Variants in IRGM observed in about 807,000 individuals in gnomAD.
IRGM encodes the protein immunity-related GTPase family M protein.
For synonymous variants in IRGM, 98 were observed against 80.6 expected, an observed-to-expected ratio of 1.22 and a Z score of -1.16; for missense variants, 288 against 219.9, an observed-to-expected ratio of 1.31 and a Z score of -1.96.
intron 3 of IRGM, chr5:150,897,334 A>G (rs1396757822): frequency 5.7e-6 from 1 of 174,852 alleles, no homozygotes; most frequent in African/African-American, 2.4e-5. Flanking sequence ...TTATCCTACC[A>G]TCACTCTAAA....
chr5:150,875,116 G>A (rs1754345399), intron 1 of IRGM, among the ~76,000 whole-genome samples: 1 of 152,196 alleles, frequency 6.6e-6, no homozygotes, highest in South Asian at 2.1e-4. Flanking sequence ...CTGCAACCCT[G>A]CCTTCTCTCC....
At position 150,848,220 on chromosome 5, in the gene IRGM, C is replaced by T; in HGVS notation, c.97C>T (p.Pro33Ser). The T allele has an allele frequency of 6.4e-7, 1 of 1,551,774 alleles. No individual in the cohort carries two copies. The highest frequency in any genetic ancestry group is 8.7e-7 in the Non-Finnish European group (1 of 1,146,932). ...GACTCTGAAGATAGTGTCCAGGACA[C>T]CAGTTAACATCACTATGGCAGGGGA... ...KETLKIVSRTPVNITMAGDSG... is the reference protein window; with the variant it reads ...KETLKIVSRTSVNITMAGDSG... Residue 33 changes from proline (P) to serine (S), a missense_variant, in exon 2 of 2, where the codon CCA (proline) becomes TCA (serine). By Grantham distance (74) the Pro-to-Ser change is moderately conservative. Transcript: ENST00000522154.
At chr5:150,893,632 A>C (rs1430742291) in intron 3 of IRGM, among the ~76,000 whole-genome samples, 1 of 152,132 alleles carries the variant, frequency 6.6e-6, no homozygotes, top group East Asian at 1.9e-4. Context: ...CTGATAAAAG[A>C]ATTATGCAAA....
chr5:150,851,079 A>T (rs757134490), downstream of IRGM, among the ~76,000 whole-genome samples: 1 of 152,228 alleles, frequency 6.6e-6, no homozygotes, highest in Non-Finnish European at 1.5e-5. Flanking sequence ...CTGGAAAAGA[A>T]GGATAGATCA....
At chr5:150,860,571 C>G (rs1169426575) in intron 1 of IRGM, among the ~76,000 whole-genome samples, 1 of 152,238 alleles carries the variant, frequency 6.6e-6, no homozygotes, top group East Asian at 1.9e-4. Context: ...ACCACAGTCC[C>G]TGTCCTGGAG....
At chr5:150,882,218 CAAAAAAAAGAA>C (rs1349491912) in intron 3 of IRGM, among the ~76,000 whole-genome samples, 2 of 118,872 alleles carry the variant, frequency 1.7e-5, no homozygotes, top group African/African-American at 7.6e-5. Flanking sequence ...GGCCCTGTCT[CAAAAAAAAGAA>C]AAAAAAAAGA....
At chr5:150,852,962 C>T, downstream of IRGM, among the ~76,000 whole-genome samples, 1 of 151,984 alleles carries the variant, frequency 6.6e-6, no homozygotes, top group East Asian at 1.9e-4. Flanking sequence ...TTGCTCATAT[C>T]TTTTGTTATT....
At chr5:150,859,976 C>T (rs531474915) in intron 1 of IRGM, among the ~76,000 whole-genome samples, 2 of 152,214 alleles carry the variant, frequency 1.3e-5, no homozygotes, top group East Asian at 3.9e-4. Context: ...ATAGCTTGAC[C>T]CTGGCACCTC....
At chr5:150,895,529 A>C in intron 3 of IRGM, 1 of 1,613,520 alleles carries the variant, frequency 6.2e-7, no homozygotes, top group Non-Finnish European at 8.5e-7. Flanking sequence ...CCCCAGTATG[A>C]ATCCTCTGAT....
At chr5:150,849,859 C>G (rs984393121), downstream of IRGM, among the ~76,000 whole-genome samples, 1 of 152,046 alleles carries the variant, frequency 6.6e-6, no homozygotes, top group African/African-American at 2.4e-5. Context: ...CCTGCCTTGG[C>G]CTTCCAAAGT....
At chr5:150,865,286 A>T (rs2113270061) in intron 1 of IRGM, among the ~76,000 whole-genome samples, 1 of 152,346 alleles carries the variant, frequency 6.6e-6, no homozygotes, top group Non-Finnish European at 1.5e-5. Flanking sequence ...AAGAATATTC[A>T]GCCAATTCAA....
chr5:150,893,576 A>G (rs1754654060), intron 3 of IRGM, among the ~76,000 whole-genome samples: 1 of 152,198 alleles, frequency 6.6e-6, no homozygotes, highest in Non-Finnish European at 1.5e-5. Flanking sequence ...CAACCATAGG[A>G]TGCACAGATT....
At chr5:150,859,059 G>A (rs1284025320) in intron 1 of IRGM, among the ~76,000 whole-genome samples, 2 of 152,114 alleles carry the variant, frequency 1.3e-5, no homozygotes, top group Non-Finnish European at 2.9e-5. Context: ...TATTGGTTGT[G>A]GATTTGTCAT....
rs1184533557 is a variant in IRGM at position 150,848,239 on chromosome 5, C to A, written c.116C>A (p.Ala39Glu). Reference protein sequence around the residue: ...VSRTPVNITMAGDSGNGMSTF... With the variant: ...VSRTPVNITMEGDSGNGMSTF... ...AGGACACCAGTTAACATCACTATGG[C>A]AGGGGACTCTGGCAATGGGATGTCC... The change falls in exon 2 of 2, where the codon GCA becomes GAA. Residue 39 changes from alanine (A) to glutamate (E), a missense_variant. Transcript: ENST00000522154. 5.8e-6 allele frequency: 9 copies of A among 1,551,814 alleles called. No individual in the cohort carries two copies. Among genetic ancestry groups the A allele is most frequent in the Middle Eastern group, 1.7e-4 (1 of 5,992 alleles).
At chr5:150,852,246 C>A (rs980339697), downstream of IRGM, among the ~76,000 whole-genome samples, 1 of 152,114 alleles carries the variant, frequency 6.6e-6, no homozygotes, top group African/African-American at 2.4e-5. Context: ...GTACTTCTGA[C>A]ATTACTATAA....
At chr5:150,861,946 C>T (rs754286121) in intron 1 of IRGM, among the ~76,000 whole-genome samples, 14 of 152,134 alleles carry the variant, frequency 9.2e-5, no homozygotes, top group South Asian at 2.1e-4. Context: ...TAATAAAATA[C>T]ATGTTTATTA....
chr5:150,872,544 A>T (rs1054400319), intron 1 of IRGM, among the ~76,000 whole-genome samples: 1 of 152,232 alleles, frequency 6.6e-6, no homozygotes, highest in Non-Finnish European at 1.5e-5. Flanking sequence ...TCTAATTTAT[A>T]TAAGCAGAAA....
rs895550361 is a variant in IRGM, at chr5:150,878,479, T to C, written c.*78+365T>C. ...CCTTCCTCTCTTCCTCTCTTCCAGC[T>C]CCTCCTCCTCTCTCCTCATCTTCCC... On this transcript the variant is annotated intron_variant and NMD_transcript_variant, in intron 2 of 3. Coordinates refer to the IRGM transcript ENST00000520549. Among the ~76,000 whole-genome samples, 4 of 152,220 alleles carry C rather than the reference T, an allele frequency of 2.6e-5. No homozygotes were observed. In the South Asian group the frequency reaches 8.3e-4, roughly 32 times the overall value.
At chr5:150,896,529 C>T in intron 3 of IRGM, 1 of 1,613,674 alleles carries the variant, frequency 6.2e-7, no homozygotes, top group Non-Finnish European at 8.5e-7. Flanking sequence ...AGGTATTACT[C>T]CATTGTGAAT....
Sources: allele counts gnomAD v4.1 joint callset (sites outside exome capture counted in the v4.1 genomes callset), GRCh38; gene constraint gnomAD v4.1.1; transcripts MANE v1.5; gene names NCBI Gene and HGNC (gene_info 2026-07-23, HGNC 2026-07-21).